TPGS2: variants seen among roughly 807,000 people sequenced by gnomAD.
TPGS2 encodes tubulin polyglutamylase complex subunit 2.
A neutral mutation model predicts 31.1 loss-of-function variants in TPGS2; 26 were observed. The observed-to-expected ratio is 0.84, with a 90% confidence interval of 0.61 to 1.16. The LOEUF (loss-of-function observed/expected upper bound fraction) is 1.16, where lower values mean the gene tolerates loss of function less well. TPGS2 is among the 50% of genes most tolerant of loss of function. TPGS2 has a pLI of 0.00. For missense variants in TPGS2, 351 were observed against 363.8 expected, an observed-to-expected ratio of 0.96 and a Z score of 0.29; for synonymous variants, 130 against 136.6, an observed-to-expected ratio of 0.95 and a Z score of 0.34.
At chr18:36,783,662 C>T (rs1346843960) in intron 6 of TPGS2, among the ~76,000 whole-genome samples, 1 of 152,148 alleles carries the variant, frequency 6.6e-6, no homozygotes, top group African/African-American at 2.4e-5. Flanking sequence ...TTTCCAGGCT[C>T]CTGGTCTGTG....
intron 3 of TPGS2, 23 bp from the exon 4 acceptor site, chr18:36,805,525 G>A (rs372399401): frequency 8.7e-6 from 14 of 1,613,372 alleles, no homozygotes; most frequent in African/African-American, 1.3e-5. Flanking sequence ...GCGTTAAGGA[G>A]AATTACATGG....
intron 4 of TPGS2, among the ~76,000 whole-genome samples, chr18:36,803,774 G>GT (rs1337999936): frequency 1.3e-5 from 2 of 152,046 alleles, no homozygotes; most frequent in Non-Finnish European, 2.9e-5. Context: ...GTAGTCAATT[G>GT]TTTGAGAATC....
downstream of TPGS2, chr18:36,781,859 C>G: frequency 1.0e-6 from 1 of 985,274 alleles, no homozygotes; most frequent in African/African-American, 1.7e-5. Context: ...ATGTGAACAC[C>G]CCAGGAGAGC....
At position 36,800,256 on chromosome 18, in the gene TPGS2, C is replaced by T; in HGVS notation, c.438G>A (p.Glu146=). The part of the protein sequence containing the change: ...PHFDSRSVIF[E]LDSCNGSGKV... The stretch of plus-strand genomic sequence containing the variant: ...TCCCACTGCCATTGCATGAATCCAG[C>T]TCAAATATCACACTGCGAGAGTCAA... The change falls in exon 5 of 7, where the codon GAG becomes GAA. Residue 146 remains glutamate (E), a synonymous_variant. Coordinates refer to ENST00000334295, the MANE Select transcript of TPGS2 (RefSeq NM_015476.4). 3.7e-6 allele frequency: 6 copies of T among 1,614,148 alleles called. No individual in the cohort carries two copies. Among genetic ancestry groups the T allele is most frequent in the Non-Finnish European group, 4.2e-6 (5 of 1,180,012 alleles).
intron 1 of TPGS2, among the ~76,000 whole-genome samples, chr18:36,823,616 A>G (rs909630385): frequency 6.0e-5 from 9 of 150,440 alleles, no homozygotes; most frequent in South Asian, 2.1e-4. Context: ...GCCCGCTACC[A>G]CGCCCGGCTA....
chr18:36,825,225 G>A (rs1278425661), intron 1 of TPGS2, among the ~76,000 whole-genome samples: 1 of 152,104 alleles, frequency 6.6e-6, no homozygotes, highest in Non-Finnish European at 1.5e-5. Flanking sequence ...GAGGTCAGGA[G>A]ATCGAGACCA....
chr18:36,811,729 CTCTT>C (rs1219820540), intron 2 of TPGS2, among the ~76,000 whole-genome samples: 1 of 152,212 alleles, frequency 6.6e-6, no homozygotes, highest in Non-Finnish European at 1.5e-5. Flanking sequence ...AGGCTCGACA[CTCTT>C]TCTGACTTTT....
rs1208307993 is a variant in TPGS2, at chr18:36,796,615, C to G, written c.*190G>C. 2.2e-6 allele frequency: 3 copies of G among 1,353,700 alleles called. No homozygotes were observed. The highest frequency in any genetic ancestry group is 2.8e-6 in the Non-Finnish European group (3 of 1,059,684). 83.9% of individuals were successfully genotyped at this position (1,353,700 alleles called of 1,614,324 possible). Reference sequence around the variant, plus strand: ...CCCCATTGCTTCCAGAGGCAGGGGACAGCACAACCTGCTCTGGAGGCCTCA... The same window carrying G: ...CCCCATTGCTTCCAGAGGCAGGGGAGAGCACAACCTGCTCTGGAGGCCTCA... On this transcript the variant is annotated 3_prime_UTR_variant, in exon 7 of 7. Coordinates refer to ENST00000334295, the MANE Select transcript of TPGS2 (RefSeq NM_015476.4).
chr18:36,814,591 A>G (rs1185594910), intron 2 of TPGS2, among the ~76,000 whole-genome samples: 1 of 152,206 alleles, frequency 6.6e-6, no homozygotes, highest in East Asian at 1.9e-4. Context: ...CATGATGAAC[A>G]TGAGATCCAG....
intron 1 of TPGS2, among the ~76,000 whole-genome samples, chr18:36,823,460 G>GTTTTTTTTTTTTTTC (rs2045984376): frequency 9.2e-6 from 1 of 108,110 alleles, no homozygotes; most frequent in Admixed American, 1.0e-4. Flanking sequence ...TTAACAGCTT[G>GTTTTTTTTTTTTTTC]TTTTTTTTTT....
At chr18:36,803,401 C>T (rs2044936530) in intron 4 of TPGS2, among the ~76,000 whole-genome samples, 3 of 152,034 alleles carry the variant, frequency 2.0e-5, no homozygotes, top group African/African-American at 7.2e-5. Flanking sequence ...CTTATTATTC[C>T]CTCACAAGTA....
chr18:36,800,718 C>T (rs2044766833), intron 4 of TPGS2, among the ~76,000 whole-genome samples: 2 of 148,766 alleles, frequency 1.3e-5, no homozygotes, highest in African/African-American at 4.9e-5. Context: ...GAGATGGAGT[C>T]TCACTCTGTT....
intron 6 of TPGS2, among the ~76,000 whole-genome samples, chr18:36,797,727 A>G (rs2044602022): frequency 6.6e-6 from 1 of 151,392 alleles, no homozygotes; most frequent in South Asian, 2.1e-4. Flanking sequence ...AACCACCACG[A>G]AGGAGCCCAG....
chr18:36,810,140 T>G (rs889842464), intron 2 of TPGS2, among the ~76,000 whole-genome samples: 2 of 152,070 alleles, frequency 1.3e-5, no homozygotes, highest in African/African-American at 2.4e-5. Context: ...CTCTGCTGCT[T>G]TTTGCTGCAG....
Position 36,808,014 on chromosome 18 carries a change from C to G in TPGS2, c.166-80G>C, listed in dbSNP as rs567269076. 17 of 1,356,400 alleles carry G rather than the reference C, an allele frequency of 1.3e-5. No individual in the cohort carries two copies. The Admixed American group carries it at 2.5e-4, about 20-fold the overall frequency. 84.0% of individuals were successfully genotyped at this position (1,356,400 alleles called of 1,614,324 possible). ...GCTATGGCTTAAGGCACTGGGGACA[C>G]GTTTAGCATGTTATACGTCCCTGAA... is the stretch of plus-strand genomic sequence containing the variant. On this transcript the variant is annotated intron_variant, in intron 2 of 6. Coordinates refer to ENST00000334295, the MANE Select transcript of TPGS2 (RefSeq NM_015476.4).
chr18:36,818,394 A>T (rs1404493780), intron 2 of TPGS2: 1 of 140,782 alleles, frequency 7.1e-6, no homozygotes, highest in Non-Finnish European at 1.6e-5. Context: ...ACAGAGCAAG[A>T]CTCTGTCTCA....
intron 2 of TPGS2, among the ~76,000 whole-genome samples, chr18:36,809,679 C>A (rs781263574): frequency 2.6e-5 from 4 of 152,172 alleles, no homozygotes; most frequent in Non-Finnish European, 4.4e-5. Context: ...CTACAGTTAC[C>A]AGTGTTCTGC....
chr18:36,808,229 A>C (rs1186948999), intron 2 of TPGS2, among the ~76,000 whole-genome samples: 9 of 152,324 alleles, frequency 5.9e-5, no homozygotes, highest in African/African-American at 2.2e-4. Context: ...AAGAGGAGAC[A>C]GGGGAACATG....
chr18:36,790,121 C>T (rs112559109), downstream of TPGS2: 3 of 152,226 alleles, frequency 2.0e-5, no homozygotes, highest in Non-Finnish European at 2.9e-5. Context: ...CTAGAAGATA[C>T]AGTCTCTCCT....
Sources: gnomAD v4.1 joint callset for allele counts (sites outside exome capture counted in the v4.1 genomes callset) on GRCh38, gnomAD v4.1.1 for gene constraint, MANE v1.5 for transcripts, NCBI Gene and HGNC (gene_info 2026-07-23, HGNC 2026-07-21) for gene names.